RBFOX1: variants seen among roughly 807,000 people sequenced by gnomAD.
RBFOX1 encodes the protein RNA binding protein fox-1 homolog 1.
In RBFOX1, 8 loss-of-function variants were observed where a neutral mutation model predicts 57.7. That is an observed-to-expected ratio of 0.14 (90% confidence interval 0.08 to 0.25). The LOEUF is 0.25. Ranked by LOEUF, RBFOX1 falls within the 10% of genes least tolerant of loss-of-function variation. The pLI is 1.00. For synonymous variants in RBFOX1, 326 were observed against 222.4 expected, an observed-to-expected ratio of 1.47 and a Z score of -4.15; for missense variants, 611 against 548.5, an observed-to-expected ratio of 1.11 and a Z score of -1.14.
intron 3 of RBFOX1, among the ~76,000 whole-genome samples, chr16:5,771,404 G>C (rs2053971870): frequency 6.6e-6 from 1 of 152,114 alleles, no homozygotes; most frequent in Admixed American, 6.5e-5. Context: ...CATTGTGTTT[G>C]TTTTGTTTTG....
intron 3 of RBFOX1, among the ~76,000 whole-genome samples, chr16:6,790,024 A>C (rs966764589): frequency 6.6e-6 from 1 of 150,610 alleles, no homozygotes; most frequent in Non-Finnish European, 1.5e-5. Context: ...GTTTGTTTGA[A>C]TTTACTGTTA....
intron 3 of RBFOX1, among the ~76,000 whole-genome samples, chr16:6,703,562 A>T (rs1449924914): frequency 2.6e-5 from 4 of 151,952 alleles, no homozygotes; most frequent in Non-Finnish European, 5.9e-5. Flanking sequence ...AAAATAAAAA[A>T]AGCCTGGTGT....
intron 1 of RBFOX1, among the ~76,000 whole-genome samples, chr16:6,253,302 C>T (rs963434615): frequency 6.6e-6 from 1 of 152,280 alleles, no homozygotes; most frequent in South Asian, 2.1e-4. Context: ...CATTTTAGCT[C>T]TCTGCAAAGT....
intron 3 of RBFOX1, among the ~76,000 whole-genome samples, chr16:5,624,315 C>T (rs1341674665): frequency 2.0e-5 from 3 of 152,206 alleles, no homozygotes; most frequent in Admixed American, 2.0e-4. Flanking sequence ...CTGCCTCAGC[C>T]TCCCAAGCAG....
At chr16:6,629,312 T>C in intron 2 of RBFOX1, among the ~76,000 whole-genome samples, 1 of 152,184 alleles carries the variant, frequency 6.6e-6, no homozygotes, top group East Asian at 1.9e-4. Flanking sequence ...GAGGCTACAC[T>C]GATGTAACGT....
intron 7 of RBFOX1, among the ~76,000 whole-genome samples, chr16:7,594,509 ATTTTCTGTAC>A (rs1378272390): frequency 6.6e-6 from 1 of 152,172 alleles, no homozygotes; most frequent in East Asian, 1.9e-4. Flanking sequence ...AATGTGTCGT[ATTTTCTGTAC>A]TTAGGAACAA....
intron 4 of RBFOX1, among the ~76,000 whole-genome samples, chr16:7,373,129 T>G (rs2097601814): frequency 6.6e-6 from 1 of 152,052 alleles, no homozygotes; most frequent in African/African-American, 2.4e-5. Context: ...AGACGGTGTT[T>G]CACCGTGTTA....
intron 3 of RBFOX1, among the ~76,000 whole-genome samples, chr16:5,706,380 C>G (rs753175019): frequency 1.3e-5 from 2 of 152,192 alleles, no homozygotes; most frequent in Admixed American, 6.5e-5. Flanking sequence ...TCGATTGCCC[C>G]GAATCACCAA....
chr16:5,703,123 CAGTCTA>C (rs1426381388), intron 3 of RBFOX1, among the ~76,000 whole-genome samples: 2 of 152,144 alleles, frequency 1.3e-5, no homozygotes, highest in East Asian at 3.9e-4. Context: ...ATGGCATTTA[CAGTCTA>C]AGGCATGAGA....
intron 2 of RBFOX1, among the ~76,000 whole-genome samples, chr16:6,417,412 C>CT (rs35363634): frequency 0.44 from 51,141 of 116,102 alleles, 12,519 homozygotes; most frequent in East Asian, 0.51. Flanking sequence ...AATGTGTTTA[C>CT]TTTTTTTTTT....
At chr16:5,611,793 T>TCCCCCC (rs2047818147) in intron 3 of RBFOX1, among the ~76,000 whole-genome samples, 15 of 35,204 alleles carry the variant, frequency 4.3e-4, no homozygotes, top group South Asian at 1.0e-3. Flanking sequence ...CATCCATCCA[T>TCCCCCC]CCACCCACCC....
At chr16:6,661,364 A>G (rs908591153) in intron 3 of RBFOX1, among the ~76,000 whole-genome samples, 9 of 152,160 alleles carry the variant, frequency 5.9e-5, no homozygotes, top group African/African-American at 2.4e-5. Context: ...TGTAGAGAAC[A>G]TGGTATGTTT....
chr16:7,173,905 A>G (rs1430619892), intron 4 of RBFOX1, among the ~76,000 whole-genome samples: 2 of 152,242 alleles, frequency 1.3e-5, no homozygotes, highest in Non-Finnish European at 2.9e-5. Flanking sequence ...CTGACAGTTG[A>G]GGATGAGACC....
At chr16:5,494,381 C>T (rs536715957) in intron 2 of RBFOX1, among the ~76,000 whole-genome samples, 67 of 152,254 alleles carry the variant, frequency 4.4e-4, no homozygotes, top group African/African-American at 1.2e-3. Flanking sequence ...AGGGAAAGAA[C>T]GAGAACACTA....
intron 4 of RBFOX1, among the ~76,000 whole-genome samples, chr16:7,504,934 A>G (rs1200366792): frequency 1.3e-5 from 2 of 149,100 alleles, no homozygotes; most frequent in Non-Finnish European, 2.9e-5. Flanking sequence ...TCGCAAACAG[A>G]CAGGTGAAGC....
intron 4 of RBFOX1, among the ~76,000 whole-genome samples, chr16:7,230,550 A>G (rs1427997635): frequency 2.0e-5 from 3 of 152,164 alleles, no homozygotes; most frequent in African/African-American, 4.8e-5. Flanking sequence ...TCCCCAGTCA[A>G]TGAAGGAAAG....
intron 3 of RBFOX1, among the ~76,000 whole-genome samples, chr16:6,670,564 G>A (rs987451600): frequency 5.9e-5 from 9 of 151,988 alleles, no homozygotes; most frequent in Non-Finnish European, 1.2e-4. Flanking sequence ...TTAAACACCC[G>A]GTAATACCTT....
chr16:5,332,623 T>C (rs1686180192), intron 1 of RBFOX1, among the ~76,000 whole-genome samples: 1 of 149,840 alleles, frequency 6.7e-6, no homozygotes, highest in South Asian at 2.1e-4. Flanking sequence ...TATATTACAA[T>C]TACATATCGT....
chr16:6,958,873 T>C (rs1404507274), intron 3 of RBFOX1, among the ~76,000 whole-genome samples: 3 of 152,174 alleles, frequency 2.0e-5, no homozygotes, highest in Non-Finnish European at 4.4e-5. Flanking sequence ...ATTACCTTTT[T>C]TTGAGAACTG....
Sources: gnomAD v4.1 joint callset for allele counts (sites outside exome capture counted in the v4.1 genomes callset) on GRCh38, gnomAD v4.1.1 for gene constraint, MANE v1.5 for transcripts, NCBI Gene and HGNC (gene_info 2026-07-23, HGNC 2026-07-21) for gene names.